The following NEK11 variants were observed in gnomAD, a reference collection of about 807,000 sequenced individuals.
The protein encoded by NEK11 is serine/threonine-protein kinase Nek11.
In NEK11, 72 loss-of-function variants were observed where a neutral mutation model predicts 80.7. That is an observed-to-expected ratio of 0.89 (90% CI 0.74 to 1.08). NEK11 has a LOEUF of 1.08. Among genes scored for constraint, NEK11 ranks in the 50% least tolerant of loss-of-function variants. NEK11 has a pLI of 0.00. For synonymous variants in NEK11, 251 were observed against 260.7 expected (o/e 0.96, Z 0.36); for missense variants, 764 against 763.6 (o/e 1.00, Z -0.01).
intron 4 of NEK11, among the ~76,000 whole-genome samples, chr3:131,107,356 A>G (rs1470796528): frequency 7.4e-6 from 1 of 135,838 alleles, no homozygotes; most frequent in Admixed American, 7.7e-5. Context: ...AACTTAAAGT[A>G]TAATAATAAT....
At chr3:131,069,274 A>G (rs1397577944) in intron 3 of NEK11, among the ~76,000 whole-genome samples, 1 of 152,180 alleles carries the variant, frequency 6.6e-6, no homozygotes, top group Non-Finnish European at 1.5e-5. Context: ...GTTGCTTCTT[A>G]AAACTCAATT....
chr3:131,340,532 T>C (rs1180638153), intron 17 of NEK11, among the ~76,000 whole-genome samples: 2 of 152,020 alleles, frequency 1.3e-5, no homozygotes, highest in African/African-American at 4.8e-5. Context: ...ATAAAGGAAT[T>C]TGGAGGATGA....
intron 16 of NEK11, among the ~76,000 whole-genome samples, chr3:131,255,104 G>T (rs1222585654): frequency 2.0e-5 from 3 of 150,008 alleles, no homozygotes; most frequent in Admixed American, 6.6e-5. Context: ...AAGAAAGAAA[G>T]AAAGAAAGAA....
At chr3:131,226,787 C>T (rs2095213055) in intron 14 of NEK11, among the ~76,000 whole-genome samples, 1 of 151,920 alleles carries the variant, frequency 6.6e-6, no homozygotes, top group African/African-American at 2.4e-5. Flanking sequence ...ACAAAAGTCA[C>T]CCATGTAACC....
chr3:131,129,196 G>A (rs2083944362), intron 5 of NEK11, among the ~76,000 whole-genome samples: 1 of 151,542 alleles, frequency 6.6e-6, no homozygotes, highest in Non-Finnish European at 1.5e-5. Flanking sequence ...GACTACAGGT[G>A]CCCACCACCA....
chr3:131,061,128 A>T (rs753310386), intron 3 of NEK11, among the ~76,000 whole-genome samples: 1 of 152,222 alleles, frequency 6.6e-6, no homozygotes, highest in Non-Finnish European at 1.5e-5. Context: ...CTAGAGATCT[A>T]CATTTAAACA....
chr3:131,129,871 G>A (rs1229578101), intron 5 of NEK11, among the ~76,000 whole-genome samples: 6 of 151,928 alleles, frequency 3.9e-5, no homozygotes, highest in Admixed American at 1.3e-4. Flanking sequence ...GGTAGTATCA[G>A]TCCTCCAACA....
chr3:131,165,473 A>G lies in NEK11; in HGVS notation c.1130A>G (p.Glu377Gly). The change falls in exon 12 of 18, where the codon GAA becomes GGA. Residue 377 changes from glutamate to glycine, a missense_variant. Coordinates refer to ENST00000383366, the MANE Select transcript of NEK11 (RefSeq NM_024800.5). Reference sequence around the variant, plus strand: ...GAAGAAAATAGCAAACGAATGCAAGAATTGAGATCTCGGAACTTTCAGCAG... The same window carrying G: ...GAAGAAAATAGCAAACGAATGCAAGGATTGAGATCTCGGAACTTTCAGCAG... ...KYEENSKRMQELRSRNFQQLS... is the reference protein window; with the variant it reads ...KYEENSKRMQGLRSRNFQQLS... 4.3e-6 allele frequency: 7 copies of G among 1,613,380 alleles called. No individual in the cohort carries two copies. Among genetic ancestry groups the G allele is most frequent in the Non-Finnish European group, 5.9e-6 (7 of 1,179,302 alleles).
intron 10 of NEK11, among the ~76,000 whole-genome samples, chr3:131,157,260 AT>A (rs1468420139): frequency 6.6e-6 from 1 of 152,108 alleles, no homozygotes; most frequent in Non-Finnish European, 1.5e-5. Flanking sequence ...TTTGACATTA[AT>A]TTTGACTTTT....
chr3:131,153,005 C>G (rs542637681), intron 9 of NEK11, among the ~76,000 whole-genome samples: 1 of 152,010 alleles, frequency 6.6e-6, no homozygotes, highest in Admixed American at 6.6e-5. Context: ...GAGGATCACT[C>G]GAACCCAGGA....
At position 131,263,463 on chromosome 3, in the gene NEK11, A is replaced by G. The variant is rs897133183; in HGVS notation, c.1622-10015A>G. 3.9e-5 allele frequency among the ~76,000 whole-genome samples: 6 copies of G among 152,264 alleles called. No homozygotes were observed. In the South Asian group the frequency reaches 8.3e-4, roughly 21 times the overall value. On this transcript the variant is annotated intron_variant, in intron 16 of 17. Transcript: ENST00000383366. ...GTACAAGTACCATGCTGTTTTGGTT[A>G]CCGTAGCCTTGTAGTATAGTTTGAA...
rs374543151 is a variant in NEK11 at position 131,080,596 on chromosome 3, T to C, written c.336+8T>C. On this transcript the variant is annotated splice_region_variant and intron_variant, in intron 4 of 17. Coordinates refer to ENST00000383366, the MANE Select transcript of NEK11 (RefSeq NM_024800.5). The stretch of plus-strand genomic sequence containing the variant: ...ATCACGGAGTACTGTGAGGTGAGAC[T>C]CTCCTTTTCTCTTGGAAGTCTTTAT... The C allele has an allele frequency of 8.8e-5, 141 of 1,595,268 alleles. No homozygotes were observed. In the African/African-American group the frequency reaches 1.8e-3, roughly 21 times the overall value.
Position 131,346,511 on chromosome 3 carries a change from T to G in NEK11, c.1719-3046T>G, listed in dbSNP as rs577488377. ...TGGATGCTTTTCTCCATAAATATTCTCTTGTTTGGGTACAGCCATGGAGTA... is the reference window on the plus strand; with the variant it reads ...TGGATGCTTTTCTCCATAAATATTCGCTTGTTTGGGTACAGCCATGGAGTA... On this transcript the variant is annotated intron_variant, in intron 17 of 17. Coordinates refer to ENST00000383366, the MANE Select transcript of NEK11 (RefSeq NM_024800.5). Among the ~76,000 whole-genome samples the G allele has an allele frequency of 2.0e-5, 3 of 152,260 alleles. No homozygotes were observed. The South Asian group carries it at 6.2e-4, about 32-fold the overall frequency.
At chr3:131,214,806 T>G (rs2094764392) in intron 14 of NEK11, among the ~76,000 whole-genome samples, 1 of 151,932 alleles carries the variant, frequency 6.6e-6, no homozygotes, top group Non-Finnish European at 1.5e-5. Flanking sequence ...GAACCTGCTG[T>G]CCTATATATA....
intron 14 of NEK11, among the ~76,000 whole-genome samples, chr3:131,171,926 G>A (rs1250942098): frequency 6.6e-6 from 1 of 152,176 alleles, no homozygotes; most frequent in Non-Finnish European, 1.5e-5. Context: ...GCTAAGACTA[G>A]ACTACAATTG....
chr3:131,131,220 G>GGAC (rs1156617750), intron 5 of NEK11, among the ~76,000 whole-genome samples: 9 of 152,172 alleles, frequency 5.9e-5, no homozygotes, highest in Non-Finnish European at 1.2e-4. Context: ...TTAATGTTAG[G>GGAC]ATGATGCTGA....
intron 17 of NEK11, among the ~76,000 whole-genome samples, chr3:131,323,884 T>G (rs1358471189): frequency 3.3e-5 from 5 of 152,296 alleles, no homozygotes; most frequent in Admixed American, 6.5e-5. Flanking sequence ...GAGAGTAGAT[T>G]GGGCAGCCAT....
At chr3:131,231,945 A>G (rs2095338451) in intron 15 of NEK11, among the ~76,000 whole-genome samples, 1 of 152,196 alleles carries the variant, frequency 6.6e-6, no homozygotes, top group Non-Finnish European at 1.5e-5. Context: ...TGATGAAAGA[A>G]GTGCTTTCAA....
intron 16 of NEK11, among the ~76,000 whole-genome samples, chr3:131,267,920 A>G (rs962226139): frequency 1.3e-5 from 2 of 152,036 alleles, no homozygotes; most frequent in African/African-American, 4.8e-5. Context: ...AATCAAACAT[A>G]GGTTTGGTTT....
Sources: gnomAD v4.1 joint callset for allele counts (sites outside exome capture counted in the v4.1 genomes callset) on GRCh38, gnomAD v4.1.1 for gene constraint, MANE v1.5 for transcripts, NCBI Gene and HGNC (gene_info 2026-07-23, HGNC 2026-07-21) for gene names.